The following CDR2 variants were observed in gnomAD, a reference collection of about 807,000 sequenced individuals.
CDR2 encodes the protein cerebellar degeneration-related protein 2.
CDR2 carries 34 observed loss-of-function variants against 48.4 expected under a neutral mutation model. The observed-to-expected ratio is 0.70, with a 90% CI of 0.53 to 0.94. The LOEUF (loss-of-function observed/expected upper bound fraction) is 0.94, where lower values mean the gene tolerates loss of function less well. Ranked by LOEUF, CDR2 falls within the 40% of genes least tolerant of loss-of-function variation. The pLI, the probability that CDR2 is intolerant of heterozygous loss-of-function variation, is 0.00. For missense variants in CDR2, 498 were observed against 549.5 expected, an observed-to-expected ratio of 0.91 and a Z score of 0.94; for synonymous variants, 240 against 219.7, an observed-to-expected ratio of 1.09 and a Z score of -0.82.
At position 22,349,945 on chromosome 16, in the gene CDR2, T is replaced by C. The variant is rs1363484960; in HGVS notation, c.193-96A>G. The C allele has an allele frequency of 5.2e-6, 6 of 1,149,724 alleles. No individual in the cohort carries two copies. Among genetic ancestry groups the C allele is most frequent in the Admixed American group, 3.8e-5 (2 of 52,120 alleles). 71.2% of individuals were successfully genotyped at this position (1,149,724 alleles called of 1,614,324 possible). On this transcript the variant is annotated intron_variant, in intron 2 of 4. Transcript: ENST00000268383. ...GGCTCACGCCTGTAATCCCAGCACT[T>C]TGGGAGGCCAAGACGTGTGGATCAC...
intron 2 of CDR2, among the ~76,000 whole-genome samples, chr16:22,364,449 A>G (rs1045528330): frequency 2.6e-5 from 4 of 152,094 alleles, no homozygotes; most frequent in Admixed American, 1.3e-4. Flanking sequence ...AGGAGGAGGT[A>G]TAAGTTCCCT....
Position 22,349,797 on chromosome 16 carries a change from T to G in CDR2, c.245A>C (p.Lys82Thr), listed in dbSNP as rs1432907475. Reference protein sequence around the residue: ...LLRQMNEQHAKVYEQLDVTAR... With the variant: ...LLRQMNEQHATVYEQLDVTAR... ...TGTGACGTCTAATTGTTCATAAACC[T>G]TTGCATGTTGTTCGTTCATCTGCCG... is the stretch of plus-strand genomic sequence containing the variant. The change falls in exon 3 of 5, where the codon AAG (lysine) becomes ACG (threonine). Residue 82 changes from lysine to threonine, a missense_variant. By Grantham distance (78) the Lys-to-Thr change is moderately conservative (BLOSUM62 -1). Transcript: ENST00000268383. 2.2e-5 allele frequency: 36 copies of G among 1,613,994 alleles called. No homozygotes were observed. The highest frequency in any genetic ancestry group is 2.9e-5 in the Non-Finnish European group (34 of 1,179,956).
Position 22,347,532 on chromosome 16 carries a change from T to C in CDR2, c.798A>G (p.Pro266=), listed in dbSNP as rs1187826603. Residue 266 remains proline, a synonymous_variant, in exon 5 of 5, where the codon CCA becomes CCG. Transcript: ENST00000268383. The part of the protein sequence containing the change: ...EMRQMLQSEH[P]FVNGVEKLVP... ...CCAGCTTCTCAACTCCATTCACAAA[T>C]GGATGCTCTGACTGCAACATCTGTC... 3 of 1,614,158 alleles carry C rather than the reference T, an allele frequency of 1.9e-6. No individual in the cohort carries two copies. The highest frequency in any genetic ancestry group is 1.1e-5 in the South Asian group (1 of 91,090).
At chr16:22,365,652 AC>A (rs1343738834) in intron 1 of CDR2, among the ~76,000 whole-genome samples, 1 of 152,176 alleles carries the variant, frequency 6.6e-6, no homozygotes, top group South Asian at 2.1e-4. Context: ...TTAGCACAGA[AC>A]CATATTTTAT....
chr16:22,356,461 T>C (rs534668699), intron 2 of CDR2, among the ~76,000 whole-genome samples: 1 of 152,010 alleles, frequency 6.6e-6, no homozygotes, highest in African/African-American at 2.4e-5. Flanking sequence ...CTACTAAAAA[T>C]ACAAAAATTT....
At chr16:22,369,380 G>C (rs1353707609) in intron 1 of CDR2, among the ~76,000 whole-genome samples, 3 of 151,910 alleles carry the variant, frequency 2.0e-5, no homozygotes, top group Non-Finnish European at 4.4e-5. Flanking sequence ...CTTTCATTCA[G>C]TTATGGAACT....
chr16:22,349,838 CT>C lies in CDR2; in HGVS notation c.203del (p.Lys68SerfsTer9). The C allele has an allele frequency of 6.2e-7, 1 of 1,614,112 alleles. No individual in the cohort carries two copies. Among genetic ancestry groups the C allele is most frequent in the Non-Finnish European group, 8.5e-7 (1 of 1,179,964 alleles). On this transcript the variant is annotated frameshift_variant, in exon 3 of 5. Transcript: ENST00000268383. LOFTEE classifies it high-confidence loss of function. ...EQLQEIEYLT[K>X]QVELLRQMNE... ...TCATCTGCCGTAGAAGTTCCACTTGCTTCGTCAGATACTGTAAGAGAAGATC... is the reference window on the plus strand; with the variant it reads ...TCATCTGCCGTAGAAGTTCCACTTGCTCGTCAGATACTGTAAGAGAAGATC...
intron 2 of CDR2, among the ~76,000 whole-genome samples, chr16:22,364,157 G>A (rs1229729745): frequency 6.6e-6 from 1 of 151,924 alleles, no homozygotes; most frequent in Non-Finnish European, 1.5e-5. Flanking sequence ...TGCCCAGGCT[G>A]GTCTCGAATT....
intron 4 of CDR2, 115 bp from the exon 5 acceptor site, chr16:22,347,938 T>A: frequency 1.1e-6 from 1 of 942,252 alleles, no homozygotes. Flanking sequence ...CAGTGACTAA[T>A]TTTTTTTTCT....
At chr16:22,362,176 C>G (rs1275235137) in intron 2 of CDR2, among the ~76,000 whole-genome samples, 1 of 152,208 alleles carries the variant, frequency 6.6e-6, no homozygotes, top group Non-Finnish European at 1.5e-5. Flanking sequence ...GCTAGGATTA[C>G]AGGCGTGAGC....
chr16:22,371,251 C>T (rs1838211846), intron 1 of CDR2, among the ~76,000 whole-genome samples: 1 of 152,050 alleles, frequency 6.6e-6, no homozygotes, highest in Non-Finnish European at 1.5e-5. Flanking sequence ...TCCAAATAAG[C>T]CTTGCTCAGT....
chr16:22,369,070 T>C (rs2049060113), intron 1 of CDR2: 1 of 152,192 alleles, frequency 6.6e-6, no homozygotes, highest in Non-Finnish European at 1.5e-5. Flanking sequence ...TACTTAAGTC[T>C]TTCCTTCTTA....
rs1181389186 is a variant in CDR2 at position 22,347,624 on chromosome 16, G to A, written c.706C>T (p.Gln236Ter). Reference protein sequence around the residue: ...VLKENSELEQQLGATGAYRAR... With the variant: ...VLKENSELEQ Reference sequence around the variant, plus strand: ...CGGTAGGCACCTGTGGCCCCCAGCTGCTGCTCCAGTTCACTGTTCTCCTTT... The same window carrying A: ...CGGTAGGCACCTGTGGCCCCCAGCTACTGCTCCAGTTCACTGTTCTCCTTT... Residue 236 changes from glutamine to a stop codon, truncating the protein, a stop_gained, in exon 5 of 5, where the codon CAG becomes TAG. Coordinates refer to ENST00000268383, the MANE Select transcript of CDR2 (RefSeq NM_001802.2). LOFTEE classifies it high-confidence loss of function. The A allele has an allele frequency of 6.2e-7, 1 of 1,614,038 alleles. No homozygotes were observed. Among genetic ancestry groups the A allele is most frequent in the African/African-American group, 1.3e-5 (1 of 74,922 alleles).
At chr16:22,354,609 C>T (rs1194632119) in intron 2 of CDR2, among the ~76,000 whole-genome samples, 1 of 151,930 alleles carries the variant, frequency 6.6e-6, no homozygotes, top group Admixed American at 6.6e-5. Flanking sequence ...TATTGTGGAC[C>T]AGGTGTGGTG....
chr16:22,367,140 C>CA (rs1209840100), intron 1 of CDR2: 1 of 152,606 alleles, frequency 6.6e-6, no homozygotes, highest in Non-Finnish European at 1.5e-5. Context: ...CTTCCTGCCT[C>CA]AGCCTGCCAA....
At chr16:22,371,736 C>G (rs906667881) in intron 1 of CDR2, among the ~76,000 whole-genome samples, 1 of 152,176 alleles carries the variant, frequency 6.6e-6, no homozygotes, top group Non-Finnish European at 1.5e-5. Flanking sequence ...ATCTTCTACT[C>G]GTACTCCATA....
Position 22,349,324 on chromosome 16 carries a change from G to C in CDR2, c.461C>G (p.Pro154Arg). The change falls in exon 4 of 5, where the codon CCG becomes CGG. Residue 154 changes from proline (P) to arginine (R), a missense_variant. Transcript: ENST00000268383. ...RSPGKCDQEK[P>R]APSFACLKEL... is the part of the protein sequence containing the mutation. ...CTTCAGACATGCAAAGCTGGGTGCC[G>C]GTTTCTCCTGGTCACACTTTCCCGG... 6.2e-7 allele frequency: 1 copy of C among 1,614,146 alleles called. No individual in the cohort carries two copies. The highest frequency in any genetic ancestry group is 8.5e-7 in the Non-Finnish European group (1 of 1,180,028).
intron 4 of CDR2, among the ~76,000 whole-genome samples, 156 bp from the exon 5 acceptor site, chr16:22,347,979 C>T (rs2048919033): frequency 6.6e-6 from 1 of 151,820 alleles, no homozygotes; most frequent in Non-Finnish European, 1.5e-5. Flanking sequence ...CACTTTGTCG[C>T]CAGGCTGGAG....
chr16:22,349,740 A>T lies in CDR2; in HGVS notation c.302T>A (p.Leu101Gln). The part of the protein sequence containing the change: ...ARELEETNQK[L>Q]VADSKASQQK... Reference sequence around the variant, plus strand: ...CTGTGAGGCCTTGCTGTCAGCAACTAGCTTTTGATTTGTTTCTTCCAGTTC... The same window carrying T: ...CTGTGAGGCCTTGCTGTCAGCAACTTGCTTTTGATTTGTTTCTTCCAGTTC... Residue 101 changes from leucine (L) to glutamine (Q), a missense_variant, in exon 3 of 5, where the codon CTA becomes CAA. Physicochemically the swap from Leu to Gln is moderately radical, Grantham distance 113 (BLOSUM62 -2). Transcript: ENST00000268383. The T allele has an allele frequency of 6.2e-7, 1 of 1,614,128 alleles. No individual in the cohort carries two copies. Among genetic ancestry groups the T allele is most frequent in the South Asian group, 1.1e-5 (1 of 91,078 alleles).
Sources: gnomAD v4.1 joint callset for allele counts (sites outside exome capture counted in the v4.1 genomes callset) on GRCh38, gnomAD v4.1.1 for gene constraint, MANE v1.5 for transcripts, NCBI Gene and HGNC (gene_info 2026-07-23, HGNC 2026-07-21) for gene names.